BABAM2: variants seen among roughly 807,000 people sequenced by gnomAD.
BABAM2 encodes the protein BRISC and BRCA1 A complex member 2, also known as BRISC and BRCA1-A complex member 2.
Under a neutral mutation model 54.7 loss-of-function variants are expected in BABAM2, and 31 were observed. The ratio of observed to expected loss-of-function variants is 0.57; its 90% confidence interval spans 0.43 to 0.77. The LOEUF (loss-of-function observed/expected upper bound fraction) is 0.77, where lower values mean the gene tolerates loss of function less well. Ranked by LOEUF, BABAM2 falls within the 30% of genes least tolerant of loss-of-function variation. The pLI, the probability that BABAM2 is intolerant of heterozygous loss-of-function variation, is 0.00. For synonymous variants in BABAM2, 167 were observed against 162.9 expected, an observed-to-expected ratio of 1.03 and a Z score of -0.19; for missense variants, 364 against 455.8, an observed-to-expected ratio of 0.80 and a Z score of 1.83.
intron 10 of BABAM2, among the ~76,000 whole-genome samples, chr2:28,248,807 C>T (rs889572137): frequency 6.6e-6 from 1 of 152,074 alleles, no homozygotes; most frequent in Non-Finnish European, 1.5e-5. Context: ...GCCTTTTCTC[C>T]CTGGTAAAAT....
chr2:28,180,779 T>C (rs1375251664), intron 7 of BABAM2, among the ~76,000 whole-genome samples: 2 of 150,792 alleles, frequency 1.3e-5, no homozygotes, highest in Non-Finnish European at 3.0e-5. Flanking sequence ...AGAAAAAAAA[T>C]CACATTAAAA....
At chr2:27,971,405 T>C (rs1195027252) in intron 3 of BABAM2, among the ~76,000 whole-genome samples, 3 of 152,170 alleles carry the variant, frequency 2.0e-5, no homozygotes, top group Non-Finnish European at 4.4e-5. Context: ...TTCTTAAGCT[T>C]GTTCAAGTAT....
chr2:27,927,121 G>A (rs1392519908), intron 2 of BABAM2, among the ~76,000 whole-genome samples: 1 of 152,114 alleles, frequency 6.6e-6, no homozygotes, highest in African/African-American at 2.4e-5. Context: ...TGAGGTTGCT[G>A]GAACCAGCTG....
intron 5 of BABAM2, among the ~76,000 whole-genome samples, chr2:28,044,595 A>C (rs572517314): frequency 6.6e-6 from 1 of 152,174 alleles, no homozygotes; most frequent in South Asian, 2.1e-4. Flanking sequence ...CTGTGGTGAA[A>C]CTGTCTAAAG....
intron 7 of BABAM2, among the ~76,000 whole-genome samples, chr2:28,191,162 T>TA (rs540363749): frequency 1.1e-3 from 173 of 152,226 alleles, no homozygotes; most frequent in African/African-American, 3.8e-3. Context: ...TTTGAACAAA[T>TA]ACGTAGTCAT....
chr2:28,020,992 AACT>A lies in BABAM2; in HGVS notation c.301-4230_301-4228del, dbSNP rs1297723028. Among the ~76,000 whole-genome samples, 29 of 89,270 alleles carry A rather than the reference AACT, an allele frequency of 3.2e-4. 1 individual carries two copies. The Admixed American group carries it at 3.3e-3, about 10-fold the overall frequency. 58.6% of individuals were successfully genotyped at this position (89,270 alleles called of 152,430 possible). ...ACACACACACACACACACACACACA[AACT>A]ACTTGTATGAGTTTACAATTCCTTG... On this transcript the variant is annotated intron_variant, in intron 4 of 11. Coordinates refer to ENST00000379624, the MANE Select transcript of BABAM2 (RefSeq NM_199191.3).
intron 2 of BABAM2, among the ~76,000 whole-genome samples, chr2:27,923,886 C>A (rs1667499128): frequency 6.6e-6 from 1 of 152,048 alleles, no homozygotes; most frequent in Non-Finnish European, 1.5e-5. Flanking sequence ...GTGGGAGGAT[C>A]GCCTGAGCTC....
intron 6 of BABAM2, among the ~76,000 whole-genome samples, chr2:28,071,247 C>G (rs903859245): frequency 6.6e-6 from 1 of 152,090 alleles, no homozygotes; most frequent in Non-Finnish European, 1.5e-5. Flanking sequence ...TTTTAAGTCT[C>G]TTTTCATTTA....
At chr2:27,906,595 G>GT (rs776096141) in intron 2 of BABAM2, among the ~76,000 whole-genome samples, 30 of 152,286 alleles carry the variant, frequency 2.0e-4, no homozygotes, top group Admixed American at 3.3e-4. Context: ...GTCTGGGGTA[G>GT]TAAGTGCCAG....
chr2:28,087,368 C>G (rs969501055), intron 6 of BABAM2, among the ~76,000 whole-genome samples: 1 of 152,110 alleles, frequency 6.6e-6, no homozygotes, highest in African/African-American at 2.4e-5. Flanking sequence ...GAACAAACAG[C>G]TATCCTGAAA....
intron 6 of BABAM2, among the ~76,000 whole-genome samples, chr2:28,109,981 A>G (rs998349133): frequency 2.6e-5 from 4 of 152,270 alleles, no homozygotes; most frequent in Non-Finnish European, 5.9e-5. Context: ...CCGTTTCTGT[A>G]ACTTTCTCAC....
chr2:28,150,276 G>A (rs1450163530), intron 7 of BABAM2, among the ~76,000 whole-genome samples: 2 of 152,306 alleles, frequency 1.3e-5, no homozygotes, highest in East Asian at 1.9e-4. Flanking sequence ...TTACAATCTA[G>A]CCTTCTCTGA....
chr2:27,977,154 G>C (rs1671662884), intron 3 of BABAM2, among the ~76,000 whole-genome samples: 1 of 152,178 alleles, frequency 6.6e-6, no homozygotes, highest in South Asian at 2.1e-4. Flanking sequence ...AGCCTACATT[G>C]CTGAGGCAGT....
chr2:27,988,478 G>A (rs1340320259), intron 4 of BABAM2, among the ~76,000 whole-genome samples: 1 of 152,078 alleles, frequency 6.6e-6, no homozygotes, highest in Non-Finnish European at 1.5e-5. Context: ...TCTTCAAGGA[G>A]CCGTTTTTAT....
At chr2:28,297,103 T>TC (rs1475992001) in intron 10 of BABAM2, among the ~76,000 whole-genome samples, 1 of 152,150 alleles carries the variant, frequency 6.6e-6, no homozygotes, top group Non-Finnish European at 1.5e-5. Context: ...AGTGAATGAG[T>TC]CGTAAGCAGG....
intron 6 of BABAM2, among the ~76,000 whole-genome samples, chr2:28,087,639 C>CT (rs1665775133): frequency 6.6e-6 from 1 of 151,900 alleles, no homozygotes; most frequent in South Asian, 2.1e-4. Context: ...CCTTTGGGGG[C>CT]TTCCTCAATA....
Position 28,263,740 on chromosome 2 carries a change from G to A in BABAM2, c.934+18878G>A, listed in dbSNP as rs533756690. On this transcript the variant is annotated intron_variant, in intron 10 of 11. Coordinates refer to ENST00000379624, the MANE Select transcript of BABAM2 (RefSeq NM_199191.3). ...CAGAATTCCAACCTCAGAGCACGTG[G>A]TGGGTAGGGATCCTAATTTCTAGTT... is the stretch of plus-strand genomic sequence containing the variant. Among the ~76,000 whole-genome samples the A allele has an allele frequency of 5.2e-4, 79 of 152,338 alleles. 1 individual carries two copies. The highest frequency in any genetic ancestry group is 1.7e-3 in the African/African-American group (71 of 41,580).
chr2:28,042,500 G>T (rs569757859), intron 5 of BABAM2, among the ~76,000 whole-genome samples: 4 of 152,304 alleles, frequency 2.6e-5, no homozygotes, highest in African/African-American at 9.6e-5. Flanking sequence ...GTGATCAGCT[G>T]TGTCAAATGC....
intron 10 of BABAM2, among the ~76,000 whole-genome samples, chr2:28,271,853 A>G (rs1338627328): frequency 6.6e-6 from 1 of 152,230 alleles, no homozygotes. Flanking sequence ...CCCTCAGCTC[A>G]TGACATTTAT....
Sources: allele counts gnomAD v4.1 joint callset (sites outside exome capture counted in the v4.1 genomes callset), GRCh38; gene constraint gnomAD v4.1.1; transcripts MANE v1.5; gene names NCBI Gene and HGNC (gene_info 2026-07-23, HGNC 2026-07-21).